The following MAML2 variants were observed in gnomAD, a reference collection of about 807,000 sequenced individuals.
The protein encoded by MAML2 is mastermind-like protein 2.
A neutral mutation model predicts 96.1 loss-of-function variants in MAML2; 22 were observed. The ratio of observed to expected loss-of-function variants is 0.23; its 90% CI spans 0.16 to 0.33. The LOEUF (loss-of-function observed/expected upper bound fraction) is 0.33, where lower values mean the gene tolerates loss of function less well. MAML2 is among the 10% of genes least tolerant of loss of function. The pLI is 1.00. For synonymous variants in MAML2, 561 were observed against 521.3 expected, an observed-to-expected ratio of 1.08 and a Z score of -1.04; for missense variants, 1,367 against 1,392.4, an observed-to-expected ratio of 0.98 and a Z score of 0.29.
chr11:96,021,651 G>T (rs1340035037), intron 2 of MAML2, among the ~76,000 whole-genome samples: 2 of 152,188 alleles, frequency 1.3e-5, no homozygotes, highest in African/African-American at 4.8e-5. Flanking sequence ...GCAATGTCCT[G>T]GTTGGTGGCT....
At chr11:96,106,021 C>T (rs1860015885) in intron 1 of MAML2, among the ~76,000 whole-genome samples, 1 of 152,186 alleles carries the variant, frequency 6.6e-6, no homozygotes, top group Admixed American at 6.5e-5. Context: ...AATCCCACTA[C>T]TTGCCACTTA....
At chr11:96,073,236 G>A (rs1859374905) in intron 2 of MAML2, among the ~76,000 whole-genome samples, 1 of 151,864 alleles carries the variant, frequency 6.6e-6, no homozygotes, top group Non-Finnish European at 1.5e-5. Flanking sequence ...GCTTTTGTTT[G>A]GCATTTACAG....
At chr11:96,214,349 G>A (rs1456388062) in intron 1 of MAML2, among the ~76,000 whole-genome samples, 2 of 152,218 alleles carry the variant, frequency 1.3e-5, no homozygotes, top group Non-Finnish European at 2.9e-5. Context: ...GAGCTCTGTA[G>A]ATCCAAGTTA....
chr11:96,088,931 A>C (rs574024869), intron 2 of MAML2, among the ~76,000 whole-genome samples: 1 of 152,226 alleles, frequency 6.6e-6, no homozygotes, highest in East Asian at 1.9e-4. Flanking sequence ...ACTGCAAGCA[A>C]CTGATCAACA....
At chr11:96,139,219 T>A (rs927475772) in intron 1 of MAML2, among the ~76,000 whole-genome samples, 1 of 152,170 alleles carries the variant, frequency 6.6e-6, no homozygotes, top group Non-Finnish European at 1.5e-5. Flanking sequence ...GGCTCACACC[T>A]GTAATCCCAG....
chr11:96,178,327 T>G (rs1455821385), intron 1 of MAML2, among the ~76,000 whole-genome samples: 1 of 152,052 alleles, frequency 6.6e-6, no homozygotes. Flanking sequence ...TTAATGCCCG[T>G]GGAGAGAGAG....
rs1404757594 is a variant in MAML2 at position 96,209,559 on chromosome 11, G to A, written c.514-116042C>T. On this transcript the variant is annotated intron_variant, in intron 1 of 4. Coordinates refer to ENST00000524717, the MANE Select transcript of MAML2 (RefSeq NM_032427.4). ...CCACTGCACTCCAGCCTGGGTGACA[G>A]AGTGAAATTCCATCTCTAAAACAAA... 1.2e-4 allele frequency among the ~76,000 whole-genome samples: 18 copies of A among 151,800 alleles called. No homozygotes were observed. In the East Asian group the frequency reaches 3.5e-3, roughly 29 times the overall value.
chr11:96,319,224 G>A (rs572596360), intron 1 of MAML2, among the ~76,000 whole-genome samples: 5 of 152,180 alleles, frequency 3.3e-5, no homozygotes, highest in Non-Finnish European at 7.3e-5. Flanking sequence ...CCATGGGAGT[G>A]AACTTGGAAG....
chr11:96,186,639 T>A (rs1395936766), intron 1 of MAML2, among the ~76,000 whole-genome samples: 1 of 152,212 alleles, frequency 6.6e-6, no homozygotes. Flanking sequence ...AATTATTTTG[T>A]GAATGTTGGC....
chr11:96,100,125 C>T (rs1194323198), intron 1 of MAML2, among the ~76,000 whole-genome samples: 1 of 152,136 alleles, frequency 6.6e-6, no homozygotes, highest in Admixed American at 6.5e-5. Context: ...CAAGTTGAAG[C>T]CCCATCTGGA....
intron 1 of MAML2, among the ~76,000 whole-genome samples, chr11:96,234,085 T>C (rs1167468373): frequency 9.8e-5 from 15 of 152,310 alleles, no homozygotes; most frequent in Admixed American, 7.8e-4. Context: ...TTTTCAAACA[T>C]TTATGCATAT....
Position 96,341,821 on chromosome 11 carries a change from C to T in MAML2, c.75G>A (p.Gly25=). 1 of 1,592,194 alleles carries T rather than the reference C, an allele frequency of 6.3e-7. No homozygotes were observed. Among genetic ancestry groups the T allele is most frequent in the Non-Finnish European group, 8.5e-7 (1 of 1,172,530 alleles). Residue 25 remains glycine, a synonymous_variant, in exon 1 of 5, where the codon GGG becomes GGA. Coordinates refer to ENST00000524717, the MANE Select transcript of MAML2 (RefSeq NM_032427.4). ...GGASGAGLLG[G]GSVTPRVHSA... ...TGTGCACTCTCGGGGTGACTGAGCC[C>T]CCTCCAAGGAGCCCCGCCCCAGAGG...
At chr11:96,299,444 T>A (rs1863356023) in intron 1 of MAML2, among the ~76,000 whole-genome samples, 1 of 151,808 alleles carries the variant, frequency 6.6e-6, no homozygotes, top group South Asian at 2.1e-4. Context: ...CTCCCAGACC[T>A]CCCAGACACT....
At chr11:96,332,194 T>C (rs540608873) in intron 1 of MAML2, among the ~76,000 whole-genome samples, 1 of 152,346 alleles carries the variant, frequency 6.6e-6, no homozygotes, top group African/African-American at 2.4e-5. Context: ...GTCATCACTT[T>C]AAGGGCTTCT....
intron 1 of MAML2, among the ~76,000 whole-genome samples, chr11:96,095,193 G>C (rs192635899): frequency 3.4e-4 from 51 of 152,200 alleles, no homozygotes; most frequent in African/African-American, 1.2e-3. Context: ...GATCAACCTA[G>C]TATAAAGGGG....
chr11:96,274,324 G>C (rs892380835), intron 1 of MAML2, among the ~76,000 whole-genome samples: 1 of 151,614 alleles, frequency 6.6e-6, no homozygotes, highest in African/African-American at 2.4e-5. Flanking sequence ...CCTTGTGATC[G>C]GCCCACCTCG....
chr11:95,977,515 G>A lies in MAML2; in HGVS notation c.*1433C>T. 1 of 198,822 alleles carries A rather than the reference G, an allele frequency of 5.0e-6. No homozygotes were observed. Among genetic ancestry groups the A allele is most frequent in the Non-Finnish European group, 1.0e-5 (1 of 96,090 alleles). The allele number at this position is 198,822 out of a possible 1,614,324, so 12.3% of individuals were successfully genotyped here. A position where few individuals can be genotyped will look rare whatever the true frequency, so the allele number is the denominator to read the frequency against. ...TAAATTACATTTGATATTTGAATATGTGAGCATAGAACTGAAAGGGCTGAA... is the reference window on the plus strand; with the variant it reads ...TAAATTACATTTGATATTTGAATATATGAGCATAGAACTGAAAGGGCTGAA... On this transcript the variant is annotated 3_prime_UTR_variant, in exon 5 of 5. Coordinates refer to ENST00000524717, the MANE Select transcript of MAML2 (RefSeq NM_032427.4).
chr11:96,142,729 G>T (rs1183112888), intron 1 of MAML2, among the ~76,000 whole-genome samples: 1 of 152,158 alleles, frequency 6.6e-6, no homozygotes, highest in Non-Finnish European at 1.5e-5. Flanking sequence ...CAACCTAAAT[G>T]CAGCATTGAT....
chr11:96,093,467 G>A lies in MAML2; in HGVS notation c.564C>T (p.Asn188=). ...CCACAAAGCCATTGGGTCGCTTGCTGTTGGCAGGAGATAGGTTAACTACCT... is the reference window on the plus strand; with the variant it reads ...CCACAAAGCCATTGGGTCGCTTGCTATTGGCAGGAGATAGGTTAACTACCT... The part of the protein sequence containing the change: ...RKQVVNLSPA[N]SKRPNGFVDN... Residue 188 remains asparagine (N), a synonymous_variant, in exon 2 of 5, where the codon AAC becomes AAT. Coordinates refer to ENST00000524717, the MANE Select transcript of MAML2 (RefSeq NM_032427.4). 1 of 1,613,900 alleles carries A rather than the reference G, an allele frequency of 6.2e-7. No individual in the cohort carries two copies. Among genetic ancestry groups the A allele is most frequent in the Non-Finnish European group, 8.5e-7 (1 of 1,179,866 alleles).
Sources: allele counts gnomAD v4.1 joint callset (sites outside exome capture counted in the v4.1 genomes callset), GRCh38; gene constraint gnomAD v4.1.1; transcripts MANE v1.5; gene names NCBI Gene and HGNC (gene_info 2026-07-23, HGNC 2026-07-21).